NF1: variants seen among roughly 807,000 people sequenced by gnomAD.
NF1 encodes neurofibromin 1.
Under a neutral mutation model 325.7 loss-of-function variants are expected in NF1, and 122 were observed. The observed-to-expected ratio is 0.37, with a 90% CI of 0.32 to 0.44. The LOEUF is 0.44. NF1 is among the 20% of genes least tolerant of loss of function. NF1 has a pLI of 1.00. For synonymous variants in NF1, 1,091 were observed against 1,186.0 expected (o/e 0.92, Z 1.65); for missense variants, 2,140 against 3,415.4 (o/e 0.63, Z 9.31).
At chr17:31,133,657 C>CT (rs938379325) in intron 1 of NF1, 17 of 151,580 alleles carry the variant, frequency 1.1e-4, no homozygotes, top group Admixed American at 5.9e-4. Context: ...TATTTTGTGT[C>CT]TTTTTTTTTA....
At position 31,210,246 on chromosome 17, in the gene NF1, AGAATGAATGAAG is replaced by A. The variant is rs1257402398; in HGVS notation, c.1392+3884_1392+3895del. ...TATTGGGCATTTAGTACATGTTTGC[AGAATGAATGAAG>A]GAATGAATTTCTTACTTGATGTGGT... is the stretch of plus-strand genomic sequence containing the variant. On this transcript the variant is annotated intron_variant, in intron 12 of 57. Coordinates refer to ENST00000358273, the MANE Select transcript of NF1 (RefSeq NM_001042492.3). Among the ~76,000 whole-genome samples, 7 of 152,326 alleles carry A rather than the reference AGAATGAATGAAG, an allele frequency of 4.6e-5. No individual in the cohort carries two copies. In the East Asian group the frequency reaches 1.2e-3, roughly 25 times the overall value.
chr17:31,141,810 A>G (rs1255372908), intron 1 of NF1, among the ~76,000 whole-genome samples: 2 of 152,084 alleles, frequency 1.3e-5, no homozygotes, highest in East Asian at 3.9e-4. Context: ...TGTACTTCCA[A>G]GTTCACTCCC....
At chr17:31,337,955 G>A (rs780160903) in intron 44 of NF1, 70 bp from the exon 45 acceptor site, 3 of 1,532,578 alleles carry the variant, frequency 2.0e-6, no homozygotes, top group Admixed American at 3.4e-5. Context: ...TATGATCAAT[G>A]TTATAATTTA....
In NF1 at chr17:31,095,366, G is replaced by C. The variant is rs2143145786; in HGVS notation, c.57G>C (p.Glu19Asp). 6.5e-7 allele frequency: 1 copy of C among 1,539,786 alleles called. No homozygotes were observed. The highest frequency in any genetic ancestry group is 8.7e-7 in the Non-Finnish European group (1 of 1,146,428). Reference sequence around the variant, plus strand: ...AGGCCGTGGTCAGCCGCTTCGACGAGCAGGTAACCGGCCCGTGGCGGGCGG... The same window carrying C: ...AGGCCGTGGTCAGCCGCTTCGACGACCAGGTAACCGGCCCGTGGCGGGCGG... The part of the protein sequence containing the change: ...WVQAVVSRFD[E>D]QLPIKTGQQN... Residue 19 changes from glutamate to aspartate, a missense_variant, in exon 1 of 58, where the codon GAG becomes GAC. By Grantham distance (45) the Glu-to-Asp change is conservative (BLOSUM62 2). This residue lies in a region of NF1 where 246 missense variants were observed against 347.8 expected (regional missense o/e 0.71). Coordinates refer to ENST00000358273, the MANE Select transcript of NF1 (RefSeq NM_001042492.3).
chr17:31,184,107 C>G (rs1170571818), intron 8 of NF1, among the ~76,000 whole-genome samples: 2 of 152,028 alleles, frequency 1.3e-5, no homozygotes, highest in Non-Finnish European at 2.9e-5. Context: ...GAGTTTGCTG[C>G]TTAATATGAT....
intron 36 of NF1, chr17:31,304,734 A>G: frequency 1.2e-6 from 2 of 1,614,170 alleles, no homozygotes; most frequent in Non-Finnish European, 1.7e-6. Context: ...CACTTGATTC[A>G]AACAACTTAA....
intron 6 of NF1, 85 bp downstream of exon 6, chr17:31,181,574 C>A: frequency 7.2e-7 from 1 of 1,381,370 alleles, no homozygotes; most frequent in Non-Finnish European, 1.0e-6. Context: ...AAAGTTATGA[C>A]TTGAGTGATA....
chr17:31,355,346 A>G (rs775392893), intron 51 of NF1, among the ~76,000 whole-genome samples: 1 of 152,168 alleles, frequency 6.6e-6, no homozygotes, highest in Non-Finnish European at 1.5e-5. Context: ...ACCTCAGACT[A>G]ATTACTTAAC....
chr17:31,338,902 T>G, intron 46 of NF1, 97 bp downstream of exon 46: 2 of 850,516 alleles, frequency 2.4e-6, no homozygotes, highest in Non-Finnish European at 4.0e-6. Context: ...GAATTGAGAA[T>G]AAGTTATAAA....
intron 36 of NF1, among the ~76,000 whole-genome samples, chr17:31,277,459 A>G (rs2068030071): frequency 6.6e-6 from 1 of 152,126 alleles, no homozygotes; most frequent in East Asian, 1.9e-4. Flanking sequence ...ATATTTTGGG[A>G]TTATTTGTGA....
Position 31,156,097 on chromosome 17 carries a change from A to G in NF1, c.175A>G (p.Thr59Ala), listed in dbSNP as rs1567814586. ...YKFSLVISGL[T>A]TILKNVNNMR... The stretch of plus-strand genomic sequence containing the variant: ...GTTTTCTTTGGTTATAAGCGGCCTC[A>G]CTACTATTTTAAAGAATGTTAACAA... The change falls in exon 2 of 58, where the codon ACT (threonine) becomes GCT (alanine). Residue 59 changes from threonine to alanine, a missense_variant. Physicochemically the swap from Thr to Ala is moderately conservative, Grantham distance 58. Coordinates refer to ENST00000358273, the MANE Select transcript of NF1 (RefSeq NM_001042492.3). 2.5e-6 allele frequency: 4 copies of G among 1,613,756 alleles called. No homozygotes were observed. The highest frequency in any genetic ancestry group is 3.4e-6 in the Non-Finnish European group (4 of 1,179,786).
chr17:31,270,768 CTG>C (rs1029092740), intron 36 of NF1, among the ~76,000 whole-genome samples: 6 of 152,170 alleles, frequency 3.9e-5, no homozygotes, highest in Non-Finnish European at 5.9e-5. Flanking sequence ...CATCAGGAAA[CTG>C]TGCATATTAC....
chr17:31,343,784 C>T (rs1215830997), intron 48 of NF1, among the ~76,000 whole-genome samples: 3 of 151,882 alleles, frequency 2.0e-5, no homozygotes, highest in African/African-American at 7.3e-5. Context: ...GGTGAAACCC[C>T]CTTTCTACAA....
intron 36 of NF1, among the ~76,000 whole-genome samples, chr17:31,285,902 GTA>G (rs1471622851): frequency 6.6e-6 from 1 of 152,130 alleles, no homozygotes. Flanking sequence ...AGTAACGATG[GTA>G]TCATTGGAGT....
At chr17:31,250,465 A>G in intron 30 of NF1, 1 of 208,966 alleles carries the variant, frequency 4.8e-6, no homozygotes, top group Non-Finnish European at 9.8e-6. Context: ...GTGGGTTTCT[A>G]AAATGACAGA....
At position 31,200,590 on chromosome 17, in the gene NF1, C is replaced by G. The variant is rs2066510027; in HGVS notation, c.1057C>G (p.Leu353Val). 1.2e-6 allele frequency: 2 copies of G among 1,613,946 alleles called. No homozygotes were observed. The highest frequency in any genetic ancestry group is 1.7e-6 in the Non-Finnish European group (2 of 1,179,908). ...ACTTGTTCAGTCCATGGTGGTTGAT[C>G]TTAAGGTAACATGCTTATTCTTTCT... ...FLLVQSMVVDLKNLLFNPSKP... is the reference protein window; with the variant it reads ...FLLVQSMVVDVKNLLFNPSKP... The change falls in exon 9 of 58, where the codon CTT becomes GTT. Residue 353 changes from leucine to valine, a missense_variant. By Grantham distance (32) the Leu-to-Val change is conservative. Coordinates refer to ENST00000358273, the MANE Select transcript of NF1 (RefSeq NM_001042492.3).
chr17:31,172,860 T>C (rs1269943143), intron 5 of NF1, among the ~76,000 whole-genome samples: 3 of 152,188 alleles, frequency 2.0e-5, no homozygotes, highest in Non-Finnish European at 4.4e-5. Context: ...CAGGATGGCT[T>C]GGTAGAGGGT....
At position 31,156,135 on chromosome 17, in the gene NF1, T is replaced by C. The variant is rs771989896; in HGVS notation, c.204+9T>C. 1 of 1,613,566 alleles carries C rather than the reference T, an allele frequency of 6.2e-7. No individual in the cohort carries two copies. Among genetic ancestry groups the C allele is most frequent in the Non-Finnish European group, 8.5e-7 (1 of 1,179,760 alleles). On this transcript the variant is annotated intron_variant, in intron 2 of 57. Coordinates refer to ENST00000358273, the MANE Select transcript of NF1 (RefSeq NM_001042492.3). ...AGAATGTTAACAATATGGTGAGTAT[T>C]TGGGTTACTGTGTTTTGGGGAATTT...
chr17:31,259,220 CT>C, intron 33 of NF1, 91 bp downstream of exon 33: 2 of 873,462 alleles, frequency 2.3e-6, no homozygotes, highest in South Asian at 3.0e-5. Flanking sequence ...CATGAAGTTC[CT>C]GTGTAAGTTT....
Sources: gnomAD v4.1 joint callset for allele counts (sites outside exome capture counted in the v4.1 genomes callset) on GRCh38, gnomAD v4.1.1 for gene constraint, gnomAD v4.1.1 regional missense constraint, MANE v1.5 for transcripts, NCBI Gene and HGNC (gene_info 2026-07-23, HGNC 2026-07-21) for gene names.